Variants in HELZ observed in about 807,000 individuals in gnomAD.
The protein encoded by HELZ is helicase with zinc finger.
A neutral mutation model predicts 218.2 loss-of-function variants in HELZ; 23 were observed. The ratio of observed to expected loss-of-function variants is 0.11; its 90% CI spans 0.08 to 0.15. The LOEUF is 0.15. Ranked by LOEUF, HELZ falls within the 10% of genes least tolerant of loss-of-function variation. The probability of loss-of-function intolerance (pLI) is 1.00; values close to 1 mark genes in which losing one functional copy is unlikely to be tolerated. For synonymous variants in HELZ, 814 were observed against 829.4 expected (o/e 0.98, Z 0.32); for missense variants, 1,813 against 2,353.7 (o/e 0.77, Z 4.75).
intron 31 of HELZ, among the ~76,000 whole-genome samples, chr17:67,089,706 GAGAC>G: frequency 7.0e-6 from 1 of 142,796 alleles, no homozygotes; most frequent in Non-Finnish European, 1.5e-5. Flanking sequence ...GAGAGACAGA[GAGAC>G]AGAGAGAGAG....
intron 28 of HELZ, among the ~76,000 whole-genome samples, chr17:67,112,762 G>C (rs1293354637): frequency 1.3e-5 from 2 of 152,218 alleles, no homozygotes; most frequent in African/African-American, 4.8e-5. Flanking sequence ...TGCAAGACAG[G>C]TGGGACTAGG....
intron 23 of HELZ, 21 bp downstream of exon 23, chr17:67,135,949 T>A (rs1199015643): frequency 6.5e-7 from 1 of 1,538,354 alleles, no homozygotes; most frequent in Non-Finnish European, 9.0e-7. Context: ...CTTTAATGTC[T>A]CAACATTAAC....
intron 9 of HELZ, among the ~76,000 whole-genome samples, chr17:67,191,602 C>G (rs2039897959): frequency 6.6e-6 from 1 of 151,754 alleles, no homozygotes; most frequent in African/African-American, 2.4e-5. Context: ...CAGGTGCCTG[C>G]CACCACAATG....
chr17:67,189,429 T>C (rs1370765346), intron 11 of HELZ, among the ~76,000 whole-genome samples, 160 bp downstream of exon 11: 20 of 152,154 alleles, frequency 1.3e-4, no homozygotes, highest in Admixed American at 1.2e-3. Context: ...CTTTTAATGA[T>C]CAAAGTACAG....
At chr17:67,123,580 A>G (rs1598272850) in intron 25 of HELZ, among the ~76,000 whole-genome samples, 1 of 152,346 alleles carries the variant, frequency 6.6e-6, no homozygotes, top group East Asian at 1.9e-4. Flanking sequence ...ACGACTATGC[A>G]ATATTTAAAA....
At chr17:67,138,248 T>A in intron 21 of HELZ, 134 bp from the exon 22 acceptor site, 21 of 561,484 alleles carry the variant, frequency 3.7e-5, no homozygotes, top group Non-Finnish European at 5.7e-5. Flanking sequence ...AAACTACCCC[T>A]AAATGGGAGT....
chr17:67,138,574 C>T (rs577886183), intron 21 of HELZ, among the ~76,000 whole-genome samples: 1 of 152,340 alleles, frequency 6.6e-6, no homozygotes, highest in South Asian at 2.1e-4. Flanking sequence ...AGTACAAGGT[C>T]TAACATTGTC....
intron 1 of HELZ, chr17:67,244,112 AC>A: frequency 2.0e-6 from 1 of 491,746 alleles, no homozygotes; most frequent in Non-Finnish European, 2.6e-6. Context: ...ACTTTCAAAA[AC>A]ATAAAGAAAT....
At chr17:67,244,899 T>A (rs761426834) in intron 1 of HELZ, 162 of 985,822 alleles carry the variant, frequency 1.6e-4, no homozygotes, top group Non-Finnish European at 1.9e-4. Flanking sequence ...CCCAGGACGC[T>A]GCGGGCCCCA....
chr17:67,219,195 C>G (rs970101172), intron 3 of HELZ, among the ~76,000 whole-genome samples: 2 of 152,220 alleles, frequency 1.3e-5, no homozygotes, highest in Non-Finnish European at 2.9e-5. Flanking sequence ...TCCAAATCTC[C>G]AAATTTCAGT....
chr17:67,155,288 G>A (rs2038806588), intron 17 of HELZ, among the ~76,000 whole-genome samples: 1 of 152,100 alleles, frequency 6.6e-6, no homozygotes, highest in South Asian at 2.1e-4. Flanking sequence ...AGAACAACCA[G>A]TTCAGAAAGG....
intron 31 of HELZ, among the ~76,000 whole-genome samples, chr17:67,089,461 G>A (rs1204103320): frequency 6.6e-6 from 1 of 151,804 alleles, no homozygotes; most frequent in Non-Finnish European, 1.5e-5. Context: ...CAGTTGACAT[G>A]CACAGCAGGC....
chr17:67,082,600 G>C (rs2036228398), intron 32 of HELZ, among the ~76,000 whole-genome samples: 1 of 152,026 alleles, frequency 6.6e-6, no homozygotes, highest in African/African-American at 2.4e-5. Flanking sequence ...TGATTTTAAA[G>C]CATTTAATAT....
intron 28 of HELZ, among the ~76,000 whole-genome samples, chr17:67,113,906 T>C (rs893897537): frequency 1.3e-5 from 2 of 152,174 alleles, no homozygotes; most frequent in South Asian, 4.1e-4. Flanking sequence ...GCAGAGAAAA[T>C]AGATGAATGG....
chr17:67,134,477 G>A (rs1277954249), intron 23 of HELZ, among the ~76,000 whole-genome samples: 4 of 151,870 alleles, frequency 2.6e-5, no homozygotes, highest in African/African-American at 9.7e-5. Context: ...AATTAAAGAT[G>A]TTACAACAGA....
At chr17:67,181,008 G>A (rs1469020831) in intron 12 of HELZ, among the ~76,000 whole-genome samples, 2 of 151,774 alleles carry the variant, frequency 1.3e-5, no homozygotes, top group Admixed American at 6.6e-5. Flanking sequence ...AGCCAAGATC[G>A]CGCCACTGCA....
chr17:67,201,164 A>T lies in HELZ; in HGVS notation c.394T>A (p.Leu132Met). ...GAGAGAAGTGTTTTTAGTCTTGTCA[A>T]ATCCTTTGTTACCATCCCATTCTGA... ...ESLNGMVTKDLTRLKTLLSET... is the reference protein window; with the variant it reads ...ESLNGMVTKDMTRLKTLLSET... The change falls in exon 7 of 33, where the codon TTG becomes ATG. Residue 132 changes from leucine (L) to methionine (M), a missense_variant. Physicochemically the swap from Leu to Met is conservative, Grantham distance 15. Coordinates refer to ENST00000358691, the MANE Select transcript of HELZ (RefSeq NM_014877.4). 6.2e-7 allele frequency: 1 copy of T among 1,609,842 alleles called. No homozygotes were observed. Among genetic ancestry groups the T allele is most frequent in the Non-Finnish European group, 8.5e-7 (1 of 1,176,124 alleles).
At position 67,077,195 on chromosome 17, in the gene HELZ, T is replaced by C. The variant is rs572756587; in HGVS notation, c.*1057A>G. On this transcript the variant is annotated 3_prime_UTR_variant, in exon 33 of 33. Transcript: ENST00000358691. Reference sequence around the variant, plus strand: ...GACAAACATTATATTTCTTCTTTAATGGTGTTCCTCAAACAAGACAGCTAG... The same window carrying C: ...GACAAACATTATATTTCTTCTTTAACGGTGTTCCTCAAACAAGACAGCTAG... The C allele has an allele frequency of 6.5e-6, 1 of 152,742 alleles. No individual in the cohort carries two copies. The highest frequency in any genetic ancestry group is 6.5e-5 in the Admixed American group (1 of 15,304). The allele number at this position is 152,742 out of a possible 1,614,324, so 9.5% of individuals were successfully genotyped here.
chr17:67,120,410 C>G lies in HELZ; in HGVS notation c.3833G>C (p.Arg1278Pro). 6.2e-7 allele frequency: 1 copy of G among 1,613,468 alleles called. No individual in the cohort carries two copies. Among genetic ancestry groups the G allele is most frequent in the Non-Finnish European group, 8.5e-7 (1 of 1,179,482 alleles). ...AACAGCGAAGTACAACTTACCATTT[C>G]GATTTTGCTCATGTTGATCCTTCTC... ...HQEKDQHEQNRNGKSDTNNSG... is the reference protein window; with the variant it reads ...HQEKDQHEQNPNGKSDTNNSG... Residue 1278 changes from arginine (R) to proline (P), a missense_variant, in exon 27 of 33, where the codon CGA becomes CCA. This residue lies in a region of HELZ where 938 missense variants were observed against 1,027.5 expected (regional missense o/e 0.91). Transcript: ENST00000358691.
Sources: allele counts gnomAD v4.1 joint callset (sites outside exome capture counted in the v4.1 genomes callset), GRCh38; gene constraint gnomAD v4.1.1; regional missense constraint gnomAD v4.1.1; transcripts MANE v1.5; gene names NCBI Gene and HGNC (gene_info 2026-07-23, HGNC 2026-07-21).